IMMT: variants seen among roughly 807,000 people sequenced by gnomAD.
IMMT encodes MICOS complex subunit MIC60.
Under a neutral mutation model 92.7 loss-of-function variants are expected in IMMT, and 40 were observed. The ratio of observed to expected loss-of-function variants is 0.43; its 90% CI spans 0.34 to 0.56. The LOEUF (loss-of-function observed/expected upper bound fraction) is 0.56. Among genes scored for constraint, IMMT ranks in the 20% least tolerant of loss-of-function variants. The pLI is 0.03. For synonymous variants in IMMT, 322 were observed against 336.1 expected (o/e 0.96, Z 0.46); for missense variants, 831 against 912.1 (o/e 0.91, Z 1.14).
At chr2:86,188,836 T>C (rs939829791) in intron 1 of IMMT, among the ~76,000 whole-genome samples, 3 of 152,164 alleles carry the variant, frequency 2.0e-5, no homozygotes, top group African/African-American at 7.2e-5. Flanking sequence ...CCAAAATATC[T>C]AGTATCCATT....
In IMMT at chr2:86,144,029, A is replaced by G. The variant is rs1674801833; in HGVS notation, c.*239T>C. 1 of 575,654 alleles carries G rather than the reference A, an allele frequency of 1.7e-6. No individual in the cohort carries two copies. Among genetic ancestry groups the G allele is most frequent in the African/African-American group, 1.9e-5 (1 of 53,386 alleles). The allele number at this position is 575,654 out of a possible 1,614,324, so 35.7% of individuals were successfully genotyped here. A position where few individuals can be genotyped will look rare whatever the true frequency, so the allele number is the denominator to read the frequency against. On this transcript the variant is annotated 3_prime_UTR_variant, in exon 15 of 15. Coordinates refer to ENST00000410111, the MANE Select transcript of IMMT (RefSeq NM_006839.3). ...TATTTTGATTGGCCTCACAAGCCTC[A>G]TCAGTAAAACCTGAAAAAACAGAAA... is the stretch of plus-strand genomic sequence containing the variant.
At chr2:86,190,712 G>A (rs146620052) in intron 1 of IMMT, among the ~76,000 whole-genome samples, 75 of 152,282 alleles carry the variant, frequency 4.9e-4, no homozygotes, top group African/African-American at 1.7e-3. Context: ...ATACTGTGTC[G>A]GGTGCAGTGA....
At chr2:86,161,870 G>T in intron 8 of IMMT, 106 bp downstream of exon 8, 1 of 732,308 alleles carries the variant, frequency 1.4e-6, no homozygotes, top group Non-Finnish European at 2.4e-6. Context: ...TGAGAGAAGG[G>T]TTTCTCTACC....
intron 7 of IMMT, 36 bp from the exon 8 acceptor site, chr2:86,162,115 G>T: frequency 1.6e-6 from 2 of 1,289,194 alleles, no homozygotes; most frequent in Non-Finnish European, 2.2e-6. Context: ...ATAAATAACT[G>T]CTATTATTGT....
At chr2:86,188,079 G>A (rs1470011345) in intron 1 of IMMT, among the ~76,000 whole-genome samples, 2 of 151,542 alleles carry the variant, frequency 1.3e-5, no homozygotes, top group Non-Finnish European at 2.9e-5. Context: ...TGCTCTTGTC[G>A]CCCAGGCTGG....
Position 86,171,353 on chromosome 2 carries a change from T to C in IMMT, c.422-8A>G. Reference sequence around the variant, plus strand: ...GAGCCGCTTCTGTAGGTGCTATAAATATATGTTACTCATGGTATTTATACT... The same window carrying C: ...GAGCCGCTTCTGTAGGTGCTATAAACATATGTTACTCATGGTATTTATACT... On this transcript the variant is annotated splice_polypyrimidine_tract_variant and splice_region_variant and intron_variant, in intron 4 of 14. Transcript: ENST00000410111. 1.2e-6 allele frequency: 2 copies of C among 1,607,870 alleles called. No homozygotes were observed. Among genetic ancestry groups the C allele is most frequent in the Non-Finnish European group, 8.5e-7 (1 of 1,176,574 alleles).
intron 9 of IMMT, 74 bp downstream of exon 9, chr2:86,159,462 T>C: frequency 8.3e-7 from 1 of 1,205,418 alleles, no homozygotes; most frequent in Non-Finnish European, 1.2e-6. Flanking sequence ...AATTTGCTGT[T>C]TTCCTAAATC....
At chr2:86,145,467 C>G (rs1347379329) in intron 14 of IMMT, among the ~76,000 whole-genome samples, 1 of 136,320 alleles carries the variant, frequency 7.3e-6, no homozygotes, top group Non-Finnish European at 1.5e-5. Context: ...TGCACTCTAC[C>G]CTGGGCGACA....
chr2:86,174,255 TCC>T (rs1677286796), intron 3 of IMMT, among the ~76,000 whole-genome samples: 1 of 152,230 alleles, frequency 6.6e-6, no homozygotes, highest in Admixed American at 6.5e-5. Context: ...AGGCTTGCCT[TCC>T]CCTTTCCCAA....
In IMMT at chr2:86,147,796, C is replaced by T. The variant is rs1238859130; in HGVS notation, c.1439G>A (p.Arg480Lys). ...AGCTGCCTGTCGGCGAAGCTGGGTT[C>T]TCATTTCATTTTCCATGGCATCTCT... Reference protein sequence around the residue: ...EVRDAMENEMRTQLRRQAAAH... With the variant: ...EVRDAMENEMKTQLRRQAAAH... Residue 480 changes from arginine to lysine, a missense_variant, in exon 13 of 15, where the codon AGA becomes AAA. Physicochemically the swap from Arg to Lys is conservative, Grantham distance 26. Coordinates refer to ENST00000410111, the MANE Select transcript of IMMT (RefSeq NM_006839.3). 1 of 1,613,936 alleles carries T rather than the reference C, an allele frequency of 6.2e-7. No homozygotes were observed. The highest frequency in any genetic ancestry group is 1.7e-5 in the Admixed American group (1 of 60,014).
rs770153422 is a variant in IMMT, at chr2:86,144,854, C to T, written c.1691G>A (p.Arg564Lys). Reference sequence around the variant, plus strand: ...TGAAAGCCAGAGTTGGTGGGCTTTTCTGGCTTCCTCTTCAGCAACTGCATG... The same window carrying T: ...TGAAAGCCAGAGTTGGTGGGCTTTTTTGGCTTCCTCTTCAGCAACTGCATG... ...QSHAVAEEEA[R>K]KAHQLWLSVE... Residue 564 changes from arginine to lysine, a missense_variant, in exon 15 of 15, where the codon AGA (arginine) becomes AAA (lysine). By Grantham distance (26) the Arg-to-Lys change is conservative. Transcript: ENST00000410111. 45 of 1,605,074 alleles carry T rather than the reference C, an allele frequency of 2.8e-5. No homozygotes were observed. The highest frequency in any genetic ancestry group is 2.7e-4 in the South Asian group (24 of 89,994).
chr2:86,168,630 A>G (rs1676882817), intron 6 of IMMT, among the ~76,000 whole-genome samples: 1 of 152,148 alleles, frequency 6.6e-6, no homozygotes, highest in Non-Finnish European at 1.5e-5. Context: ...CTCAAAACAA[A>G]TTAATTAAAT....
intron 9 of IMMT, among the ~76,000 whole-genome samples, chr2:86,158,952 A>G (rs1349625427): frequency 6.6e-6 from 1 of 152,098 alleles, no homozygotes; most frequent in African/African-American, 2.4e-5. Context: ...TACATATCAT[A>G]TAAGTGCAGG....
chr2:86,156,990 C>T (rs1036114870), intron 10 of IMMT, among the ~76,000 whole-genome samples: 1 of 152,160 alleles, frequency 6.6e-6, no homozygotes, highest in African/African-American at 2.4e-5. Context: ...CAGGTGCTCA[C>T]ATCTGTTTCA....
At chr2:86,176,840 C>G (rs1159475700) in intron 3 of IMMT, among the ~76,000 whole-genome samples, 1 of 152,212 alleles carries the variant, frequency 6.6e-6, no homozygotes, top group Non-Finnish European at 1.5e-5. Context: ...TTACTCCATG[C>G]TCCTAGAACA....
At chr2:86,161,892 CT>C in intron 8 of IMMT, 83 bp downstream of exon 8, 1 of 824,476 alleles carries the variant, frequency 1.2e-6, no homozygotes, top group South Asian at 1.5e-5. Flanking sequence ...CCTCTTTATT[CT>C]ATACAGACAA....
rs774956433 is a variant in IMMT, at chr2:86,146,096, T to G, written c.1635A>C (p.Arg545Ser). The G allele has an allele frequency of 6.9e-6, 11 of 1,596,800 alleles. No homozygotes were observed. In the East Asian group the frequency reaches 2.5e-4, roughly 36 times the overall value. The part of the protein sequence containing the change: ...FTLDINTAYA[R>S]LRGIEQAVQS... ...GAACAGCCTGTTCGATTCCTCTGAG[T>G]CTGGCATAGGCAGTATTTATATCCA... is the stretch of plus-strand genomic sequence containing the variant. Residue 545 changes from arginine (R) to serine (S), a missense_variant, in exon 14 of 15, where the codon AGA becomes AGC. By Grantham distance (110) the Arg-to-Ser change is moderately radical. Coordinates refer to ENST00000410111, the MANE Select transcript of IMMT (RefSeq NM_006839.3).
At chr2:86,155,132 G>C (rs1675763646) in intron 10 of IMMT, among the ~76,000 whole-genome samples, 1 of 152,164 alleles carries the variant, frequency 6.6e-6, no homozygotes, top group South Asian at 2.1e-4. Flanking sequence ...CAAAGTGCTA[G>C]GATTATAGGC....
chr2:86,148,475 G>A (rs1166872437), intron 12 of IMMT, among the ~76,000 whole-genome samples: 1 of 152,130 alleles, frequency 6.6e-6, no homozygotes. Flanking sequence ...AGCCGGGTGT[G>A]GTGGCGGGTG....
Sources: allele counts gnomAD v4.1 joint callset (sites outside exome capture counted in the v4.1 genomes callset), GRCh38; gene constraint gnomAD v4.1.1; transcripts MANE v1.5; gene names NCBI Gene and HGNC (gene_info 2026-07-23, HGNC 2026-07-21).